Variants in MEGF11 observed in about 807,000 individuals in gnomAD.
MEGF11 encodes multiple epidermal growth factor-like domains protein 11.
MEGF11 carries 126 observed loss-of-function variants against 146.6 expected under a neutral mutation model. The ratio of observed to expected loss-of-function variants is 0.86; its 90% CI spans 0.74 to 1.00. The LOEUF is 1.00. Ranked by LOEUF, MEGF11 falls within the 50% of genes least tolerant of loss-of-function variation. The pLI is 0.00. For synonymous variants in MEGF11, 532 were observed against 583.4 expected (o/e 0.91, Z 1.27); for missense variants, 1,509 against 1,521.2 (o/e 0.99, Z 0.13).
rs750210212 is a variant in MEGF11 at position 66,128,325 on chromosome 15, C to T, written c.79G>A (p.Val27Met). 37 of 1,521,368 alleles carry T rather than the reference C, an allele frequency of 2.4e-5. No homozygotes were observed. The highest frequency in any genetic ancestry group is 1.9e-4 in the Admixed American group (9 of 46,764). 94.2% of individuals were successfully genotyped at this position (1,521,368 alleles called of 1,614,324 possible). The change falls in exon 2 of 26, where the codon GTG (valine) becomes ATG (methionine). Residue 27 changes from valine to methionine, a missense_variant. Transcript: ENST00000395614. Reference sequence around the variant, plus strand: ...CCTTACCTCTCCCAGTGGCTGCACACGTTGGGGTCCTCGGGGTTCAGGGCA... The same window carrying T: ...CCTTACCTCTCCCAGTGGCTGCACATGTTGGGGTCCTCGGGGTTCAGGGCA... ...TLALNPEDPN[V>M]CSHWESYAVT... is the part of the protein sequence containing the mutation.
intron 3 of MEGF11, among the ~76,000 whole-genome samples, chr15:66,119,638 C>T (rs72744443): frequency 0.011 from 1,738 of 152,186 alleles, 12 homozygotes; most frequent in Middle Eastern, 0.024. Context: ...ATTGGTCCCC[C>T]CACTTGAAGA....
chr15:66,176,075 C>A (rs1341135380), intron 1 of MEGF11, among the ~76,000 whole-genome samples: 2 of 152,150 alleles, frequency 1.3e-5, no homozygotes, highest in East Asian at 3.8e-4. Flanking sequence ...TGTTCAACAT[C>A]ACTAATCACC....
intron 15 of MEGF11, chr15:65,922,033 A>C (rs1280380605): frequency 5.1e-6 from 2 of 389,038 alleles, no homozygotes; most frequent in Non-Finnish European, 9.4e-6. Flanking sequence ...TCTGATGCAG[A>C]TCTCTGTGCT....
chr15:66,160,736 C>A (rs61335305), intron 1 of MEGF11, among the ~76,000 whole-genome samples: 10,540 of 151,444 alleles, frequency 0.07, 878 homozygotes, highest in African/African-American at 0.2. Flanking sequence ...TCCTGCCCTT[C>A]TGCTCTATTC....
chr15:66,132,657 A>G (rs561032509), intron 1 of MEGF11, among the ~76,000 whole-genome samples: 82 of 152,292 alleles, frequency 5.4e-4, no homozygotes, highest in African/African-American at 1.9e-3. Flanking sequence ...GCTGAGTGGG[A>G]AAGCTTGCCA....
chr15:65,985,317 G>A (rs1269196575), intron 5 of MEGF11, among the ~76,000 whole-genome samples: 2 of 152,206 alleles, frequency 1.3e-5, no homozygotes, highest in African/African-American at 4.8e-5. Context: ...TGAGTCCAAG[G>A]AGTGAAGTTT....
intron 1 of MEGF11, among the ~76,000 whole-genome samples, chr15:66,197,380 C>T (rs879816086): frequency 6.6e-6 from 1 of 152,012 alleles, no homozygotes; most frequent in Non-Finnish European, 1.5e-5. Flanking sequence ...ATTTTCCCTG[C>T]CTTTGGGGCC....
chr15:66,099,102 C>T (rs893974303), intron 4 of MEGF11, among the ~76,000 whole-genome samples: 2 of 152,084 alleles, frequency 1.3e-5, no homozygotes, highest in Admixed American at 6.6e-5. Context: ...AGGACATTAA[C>T]GGCCAAACAC....
chr15:66,127,108 C>T (rs2088390748), intron 2 of MEGF11, among the ~76,000 whole-genome samples: 1 of 152,210 alleles, frequency 6.6e-6, no homozygotes, highest in African/African-American at 2.4e-5. Flanking sequence ...ATGATTCTCC[C>T]CACTTTACAG....
intron 5 of MEGF11, among the ~76,000 whole-genome samples, chr15:65,995,742 T>C (rs1435906636): frequency 2.0e-5 from 3 of 152,168 alleles, no homozygotes; most frequent in African/African-American, 7.2e-5. Flanking sequence ...TTGGGGATGA[T>C]AAATATAACC....
In MEGF11 at chr15:66,107,054, A is replaced by ACCCCCCCCC. The variant is rs35937464; in HGVS notation, c.301+12031_301+12032insGGGGGGGGG. ...CCTGTAGTTCAATGTTTATATTCCT[A>ACCCCCCCCC]CCCCCCCACCAGGTATAGACAGGGA... On this transcript the variant is annotated intron_variant, in intron 4 of 25. Transcript: ENST00000395614. Among the ~76,000 whole-genome samples, 70 of 132,404 alleles carry ACCCCCCCCC rather than the reference A, an allele frequency of 5.3e-4. 2 individuals are homozygous for ACCCCCCCCC. Among genetic ancestry groups the ACCCCCCCCC allele is most frequent in the African/African-American group, 2.0e-3 (69 of 34,372 alleles). 86.9% of individuals were successfully genotyped at this position (132,404 alleles called of 152,430 possible).
intron 5 of MEGF11, among the ~76,000 whole-genome samples, chr15:66,049,264 G>T (rs1375872383): frequency 6.6e-6 from 1 of 152,188 alleles, no homozygotes; most frequent in Non-Finnish European, 1.5e-5. Context: ...ATCACAGAAA[G>T]CCTGTATTCT....
chr15:66,081,151 C>A (rs2085838088), intron 5 of MEGF11, among the ~76,000 whole-genome samples: 1 of 152,156 alleles, frequency 6.6e-6, no homozygotes, highest in Non-Finnish European at 1.5e-5. Flanking sequence ...GCCGCCCCAT[C>A]CCCCTCATGC....
At chr15:66,129,992 A>G (rs572306249) in intron 1 of MEGF11, among the ~76,000 whole-genome samples, 2 of 152,312 alleles carry the variant, frequency 1.3e-5, no homozygotes, top group East Asian at 1.9e-4. Flanking sequence ...TGCAGAGTCC[A>G]GGAGTATGCA....
intron 1 of MEGF11, among the ~76,000 whole-genome samples, chr15:66,192,378 G>A (rs375849082): frequency 1.6e-4 from 25 of 151,870 alleles, no homozygotes; most frequent in Non-Finnish European, 3.4e-4. Flanking sequence ...GCTGAGGCAC[G>A]AGACTCGTTT....
chr15:66,079,093 G>A (rs1033809790), intron 5 of MEGF11, among the ~76,000 whole-genome samples: 1 of 152,098 alleles, frequency 6.6e-6, no homozygotes, highest in Non-Finnish European at 1.5e-5. Flanking sequence ...GAGGGGCAGT[G>A]GGCAGTGGGG....
chr15:66,220,337 T>C (rs1190355666), intron 1 of MEGF11, among the ~76,000 whole-genome samples: 2 of 151,598 alleles, frequency 1.3e-5, no homozygotes, highest in Admixed American at 1.3e-4. Context: ...AATGAATTGA[T>C]GGCACAATAA....
At chr15:65,935,898 G>A (rs1053583870) in intron 10 of MEGF11, among the ~76,000 whole-genome samples, 1 of 152,162 alleles carries the variant, frequency 6.6e-6, no homozygotes, top group Non-Finnish European at 1.5e-5. Flanking sequence ...GTGTATAATT[G>A]ACTGGCCAGT....
chr15:66,169,354 G>A (rs1394998607), intron 1 of MEGF11, among the ~76,000 whole-genome samples: 6 of 152,216 alleles, frequency 3.9e-5, no homozygotes, highest in Non-Finnish European at 5.9e-5. Flanking sequence ...CAAAAGCCCA[G>A]GCCCAGATGT....
Sources: gnomAD v4.1 joint callset for allele counts (sites outside exome capture counted in the v4.1 genomes callset) on GRCh38, gnomAD v4.1.1 for gene constraint, MANE v1.5 for transcripts, NCBI Gene and HGNC (gene_info 2026-07-23, HGNC 2026-07-21) for gene names.